MAST2: variants seen among roughly 807,000 people sequenced by gnomAD.
The protein encoded by MAST2 is microtubule associated serine/threonine kinase 2, also known as microtubule-associated serine/threonine-protein kinase 2.
MAST2 carries 70 observed loss-of-function variants against 147.4 expected under a neutral mutation model. That is an observed-to-expected ratio of 0.47 (90% CI 0.39 to 0.58). MAST2 has a LOEUF of 0.58. MAST2 is among the 20% of genes least tolerant of loss of function. The probability of loss-of-function intolerance (pLI) is 0.00; values close to 1 mark genes in which losing one functional copy is unlikely to be tolerated. For synonymous variants in MAST2, 869 were observed against 896.8 expected (o/e 0.97, Z 0.55); for missense variants, 2,080 against 2,302.3 (o/e 0.90, Z 1.98).
chr1:45,995,238 A>G (rs756254440), intron 5 of MAST2, among the ~76,000 whole-genome samples: 11 of 152,076 alleles, frequency 7.2e-5, no homozygotes, highest in African/African-American at 9.7e-5. Flanking sequence ...TCTGTATAAC[A>G]TATCTTCTTC....
intron 17 of MAST2, 75 bp from the exon 18 acceptor site, chr1:46,028,693 G>A: frequency 6.7e-7 from 1 of 1,499,552 alleles, no homozygotes; most frequent in Non-Finnish European, 9.2e-7. Flanking sequence ...CGAGATGGGA[G>A]CATCCCCCAT....
intron 21 of MAST2, 103 bp downstream of exon 21, chr1:46,030,341 G>T: frequency 1.7e-6 from 2 of 1,161,062 alleles, no homozygotes. Context: ...GTTGGGGTTG[G>T]GGCCACCTCT....
chr1:46,018,555 A>T (rs1646053340), intron 10 of MAST2, among the ~76,000 whole-genome samples: 1 of 152,208 alleles, frequency 6.6e-6, no homozygotes, highest in African/African-American at 2.4e-5. Flanking sequence ...AGCTCCAGGA[A>T]GCTCAGGAAG....
intron 1 of MAST2, among the ~76,000 whole-genome samples, chr1:45,820,916 T>TC: frequency 6.8e-6 from 1 of 146,692 alleles, no homozygotes; most frequent in Non-Finnish European, 1.5e-5. Flanking sequence ...TTTTTTTTTT[T>TC]TGAGTCAGAG....
intron 3 of MAST2, among the ~76,000 whole-genome samples, chr1:45,859,241 C>T (rs1645897705): frequency 6.6e-6 from 1 of 152,090 alleles, no homozygotes; most frequent in African/African-American, 2.4e-5. Context: ...ACTACAGGCA[C>T]AAAAAGTGCC....
At chr1:45,958,945 G>A (rs1037859927) in intron 4 of MAST2, among the ~76,000 whole-genome samples, 9 of 152,086 alleles carry the variant, frequency 5.9e-5, no homozygotes, top group Non-Finnish European at 1.0e-4. Context: ...CTTAATTCAC[G>A]GACTAAACGT....
intron 3 of MAST2, among the ~76,000 whole-genome samples, chr1:45,882,033 A>AG (rs1646871942): frequency 1.4e-5 from 2 of 143,060 alleles, no homozygotes; most frequent in South Asian, 4.3e-4. Context: ...AAAAAAAAAA[A>AG]AAAAAAAAAT....
At chr1:45,929,017 G>A (rs991926326) in intron 4 of MAST2, among the ~76,000 whole-genome samples, 1 of 152,040 alleles carries the variant, frequency 6.6e-6, no homozygotes, top group Non-Finnish European at 1.5e-5. Flanking sequence ...GGTTGAGGGG[G>A]TGGGAAGAAT....
At chr1:45,809,657 C>A (rs1166499379) in intron 1 of MAST2, among the ~76,000 whole-genome samples, 1 of 151,974 alleles carries the variant, frequency 6.6e-6, no homozygotes, top group Non-Finnish European at 1.5e-5. Flanking sequence ...AACAAACAAA[C>A]AAAAAACAAA....
intron 4 of MAST2, among the ~76,000 whole-genome samples, chr1:45,925,384 A>G (rs914365465): frequency 2.0e-5 from 3 of 152,228 alleles, no homozygotes; most frequent in Non-Finnish European, 2.9e-5. Flanking sequence ...GATTTGGGTT[A>G]AATTAAATAA....
intron 10 of MAST2, among the ~76,000 whole-genome samples, chr1:46,017,120 A>G (rs1645984414): frequency 6.6e-6 from 1 of 152,264 alleles, no homozygotes; most frequent in Non-Finnish European, 1.5e-5. Flanking sequence ...CTGGCTAGCC[A>G]TATGTAGAAA....
chr1:45,901,338 C>G (rs146606156), intron 4 of MAST2, among the ~76,000 whole-genome samples: 39 of 152,188 alleles, frequency 2.6e-4, no homozygotes, highest in Non-Finnish European at 4.4e-4. Flanking sequence ...TCTGGGTTCT[C>G]TGTTTTATTT....
chr1:45,963,980 G>T (rs546282199), intron 5 of MAST2, among the ~76,000 whole-genome samples: 2 of 152,156 alleles, frequency 1.3e-5, no homozygotes, highest in African/African-American at 2.4e-5. Context: ...TAATCATGTG[G>T]TTTTTGTCTT....
intron 26 of MAST2, 31 bp from the exon 27 acceptor site, chr1:46,033,771 C>G: frequency 6.2e-7 from 1 of 1,606,314 alleles, no homozygotes; most frequent in Non-Finnish European, 8.5e-7. Flanking sequence ...ATGGCTCCAG[C>G]TTAGCCTAGG....
chr1:45,887,992 TG>T (rs1415854201), intron 4 of MAST2, among the ~76,000 whole-genome samples: 1 of 152,218 alleles, frequency 6.6e-6, no homozygotes, highest in African/African-American at 2.4e-5. Flanking sequence ...TGTTAAAAAA[TG>T]GATGTAGTTG....
intron 3 of MAST2, among the ~76,000 whole-genome samples, chr1:45,874,139 G>A (rs7556472): frequency 0.8 from 121,246 of 152,196 alleles, 48,773 homozygotes; most frequent in East Asian, 0.98. Context: ...TTTCATGTAC[G>A]TTACTTTATT....
chr1:45,926,441 A>C (rs983023372), intron 4 of MAST2, among the ~76,000 whole-genome samples: 1 of 46,802 alleles, frequency 2.1e-5, no homozygotes, highest in East Asian at 1.4e-3. Context: ...CCATATGTCC[A>C]TACTGCAGAA....
chr1:45,829,033 C>T (rs1029358927), intron 2 of MAST2, among the ~76,000 whole-genome samples: 10 of 152,060 alleles, frequency 6.6e-5, no homozygotes, highest in Admixed American at 2.0e-4. Context: ...CTGAACTGAG[C>T]ACATGGAGTC....
At chr1:45,878,658 G>A (rs187338582) in intron 3 of MAST2, among the ~76,000 whole-genome samples, 155 of 152,072 alleles carry the variant, frequency 1.0e-3, no homozygotes, top group African/African-American at 3.6e-3. Context: ...CAAAGTATAG[G>A]ATACATGGTC....
Sources: gnomAD v4.1 joint callset for allele counts (sites outside exome capture counted in the v4.1 genomes callset) on GRCh38, gnomAD v4.1.1 for gene constraint, MANE v1.5 for transcripts, NCBI Gene and HGNC (gene_info 2026-07-23, HGNC 2026-07-21) for gene names.